The following ACYP2 variants were observed in gnomAD, a reference collection of about 807,000 sequenced individuals.
ACYP2 encodes acylphosphatase 2, also known as acylphosphatase-2.
A neutral mutation model predicts 11.2 loss-of-function variants in ACYP2; 12 were observed. The ratio of observed to expected loss-of-function variants is 1.08; its 90% CI spans 0.69 to 1.74. ACYP2 has a LOEUF of 1.74. ACYP2 is among the 40% of genes most tolerant of loss of function. The pLI, the probability that ACYP2 is intolerant of heterozygous loss-of-function variation, is 0.00. For missense variants in ACYP2, 134 were observed against 101.9 expected, an observed-to-expected ratio of 1.31 and a Z score of -1.35; for synonymous variants, 43 against 32.2, an observed-to-expected ratio of 1.33 and a Z score of -1.13.
intron 4 of ACYP2, among the ~76,000 whole-genome samples, chr2:54,064,355 AG>A (rs1676628271): frequency 6.6e-6 from 1 of 152,138 alleles, no homozygotes; most frequent in African/African-American, 2.4e-5. Flanking sequence ...CAGAACAGTG[AG>A]GGCTTCTCCT....
At chr2:54,255,039 C>T (rs961412884) in intron 6 of ACYP2, 1 of 1,614,134 alleles carries the variant, frequency 6.2e-7, no homozygotes, top group Non-Finnish European at 8.5e-7. Context: ...ACCAGAGGTC[C>T]TCTTTAATAA....
chr2:54,032,953 T>C (rs551234673), intron 2 of ACYP2, among the ~76,000 whole-genome samples: 1 of 152,190 alleles, frequency 6.6e-6, no homozygotes, highest in Non-Finnish European at 1.5e-5. Context: ...CAGATAAAGC[T>C]GGAAAGAAAG....
chr2:54,201,636 C>CCCTT (rs1553391349), intron 6 of ACYP2, among the ~76,000 whole-genome samples: 1 of 93,662 alleles, frequency 1.1e-5, no homozygotes, highest in African/African-American at 4.3e-5. Flanking sequence ...TTCTTTCTTT[C>CCCTT]TCTTTCTTTC....
At chr2:53,977,309 C>T (rs1263501913) in intron 2 of ACYP2, among the ~76,000 whole-genome samples, 11 of 152,034 alleles carry the variant, frequency 7.2e-5, no homozygotes, top group Non-Finnish European at 1.2e-4. Flanking sequence ...CCTCCCAAAG[C>T]GCTGGAATTA....
intron 3 of ACYP2, among the ~76,000 whole-genome samples, chr2:54,051,924 G>C (rs1202669562): frequency 6.6e-6 from 1 of 152,092 alleles, no homozygotes; most frequent in South Asian, 2.1e-4. Context: ...ATGCATTCCT[G>C]TAATCCCAGC....
At chr2:54,153,015 A>AT (rs2103813435) in intron 6 of ACYP2, among the ~76,000 whole-genome samples, 1 of 152,132 alleles carries the variant, frequency 6.6e-6, no homozygotes, top group Non-Finnish European at 1.5e-5. Context: ...TTAAAAATGT[A>AT]TTTTTTCAAA....
Position 54,218,116 on chromosome 2 carries a change from C to T in ACYP2, c.404+79368C>T, listed in dbSNP as rs151077086. 6.5e-3 allele frequency among the ~76,000 whole-genome samples: 993 copies of T among 152,254 alleles called. 16 individuals are homozygous for T. Among genetic ancestry groups the T allele is most frequent in the African/African-American group, 0.023 (950 of 41,552 alleles). On this transcript the variant is annotated intron_variant, in intron 6 of 6. Coordinates refer to ENST00000607452, the MANE Select transcript of ACYP2 (RefSeq NM_001320586.2). ...TTTTCAAGTTCCTTCACAAGTGTACCTTCTGCATGAAAAAACTTGTTCTTG... is the reference window on the plus strand; with the variant it reads ...TTTTCAAGTTCCTTCACAAGTGTACTTTCTGCATGAAAAAACTTGTTCTTG...
chr2:53,991,190 A>G (rs1435492560), intron 2 of ACYP2, among the ~76,000 whole-genome samples: 6 of 151,984 alleles, frequency 3.9e-5, no homozygotes, highest in African/African-American at 9.7e-5. Flanking sequence ...TGATTTTATA[A>G]TTTTCTCTCA....
At chr2:54,233,530 C>G (rs1022671305) in intron 6 of ACYP2, among the ~76,000 whole-genome samples, 9 of 151,986 alleles carry the variant, frequency 5.9e-5, no homozygotes, top group Non-Finnish European at 1.3e-4. Flanking sequence ...GTCTTGAACT[C>G]CTGAGCTCAA....
At chr2:54,289,474 ACC>A (rs926191265) in intron 6 of ACYP2, among the ~76,000 whole-genome samples, 11 of 151,940 alleles carry the variant, frequency 7.2e-5, no homozygotes, top group Non-Finnish European at 1.2e-4. Context: ...TTGTTTTATA[ACC>A]TGCAGAGATT....
intron 6 of ACYP2, among the ~76,000 whole-genome samples, chr2:54,162,587 G>A (rs1407337678): frequency 6.6e-6 from 1 of 152,040 alleles, no homozygotes; most frequent in Non-Finnish European, 1.5e-5. Flanking sequence ...CAGAAACCCT[G>A]GGGATGGGGC....
chr2:54,304,566 C>T (rs1689845328), intron 6 of ACYP2, 122 bp from the exon 4 acceptor site: 2 of 597,466 alleles, frequency 3.3e-6, no homozygotes, highest in African/African-American at 1.9e-5. Context: ...ATTTAAATAT[C>T]ACATATATGC....
chr2:54,107,831 A>G (rs1036643022), intron 4 of ACYP2, among the ~76,000 whole-genome samples: 2 of 152,170 alleles, frequency 1.3e-5, no homozygotes, highest in African/African-American at 4.8e-5. Context: ...AAGTTTTAGG[A>G]TGGACTTTTA....
intron 6 of ACYP2, among the ~76,000 whole-genome samples, chr2:54,278,596 T>C (rs1446112114): frequency 1.3e-5 from 2 of 152,222 alleles, no homozygotes; most frequent in East Asian, 3.8e-4. Flanking sequence ...TGTCTACCAT[T>C]GGAAAAGTAG....
intron 6 of ACYP2, among the ~76,000 whole-genome samples, chr2:54,257,310 A>G (rs138307775): frequency 6.6e-6 from 1 of 152,320 alleles, no homozygotes; most frequent in African/African-American, 2.4e-5. Context: ...TGGGGTCACA[A>G]TTTCTTTTTT....
At chr2:54,286,016 G>C (rs1011142184) in intron 6 of ACYP2, among the ~76,000 whole-genome samples, 2 of 152,126 alleles carry the variant, frequency 1.3e-5, no homozygotes, top group African/African-American at 4.8e-5. Context: ...TTATGATAGG[G>C]TTATGTACCA....
At chr2:54,230,237 C>G (rs1265241897) in intron 6 of ACYP2, among the ~76,000 whole-genome samples, 1 of 152,180 alleles carries the variant, frequency 6.6e-6, no homozygotes, top group Non-Finnish European at 1.5e-5. Flanking sequence ...AAGAGGTAGG[C>G]ACCCTTTTAA....
At chr2:54,244,438 GTGATC>G (rs1686863904) in intron 6 of ACYP2, among the ~76,000 whole-genome samples, 1 of 152,136 alleles carries the variant, frequency 6.6e-6, no homozygotes, top group Non-Finnish European at 1.5e-5. Context: ...CTGACCTCAA[GTGATC>G]TGCCTGCCTC....
At chr2:54,221,276 T>A (rs900710847) in intron 6 of ACYP2, among the ~76,000 whole-genome samples, 10 of 152,184 alleles carry the variant, frequency 6.6e-5, no homozygotes, top group African/African-American at 2.4e-4. Context: ...TTATTGTAAG[T>A]CACTAAATTT....
Sources: allele counts gnomAD v4.1 joint callset (sites outside exome capture counted in the v4.1 genomes callset), GRCh38; gene constraint gnomAD v4.1.1; transcripts MANE v1.5; gene names NCBI Gene and HGNC (gene_info 2026-07-23, HGNC 2026-07-21).